ANTXR1: variants seen among roughly 807,000 people sequenced by gnomAD.
ANTXR1 encodes anthrax toxin receptor 1.
Under a neutral mutation model 78.1 loss-of-function variants are expected in ANTXR1, and 19 were observed. That is an observed-to-expected ratio of 0.24 (90% CI 0.17 to 0.36). The LOEUF is 0.36. ANTXR1 is among the 10% of genes least tolerant of loss of function. The pLI, the probability that ANTXR1 is intolerant of heterozygous loss-of-function variation, is 1.00. For synonymous variants in ANTXR1, 273 were observed against 260.5 expected (o/e 1.05, Z -0.46); for missense variants, 518 against 718.6 (o/e 0.72, Z 3.19).
intron 12 of ANTXR1, chr2:69,145,236 A>G (rs1673189544): frequency 7.5e-7 from 1 of 1,326,150 alleles, no homozygotes. Flanking sequence ...AGGGACCCTC[A>G]CTTGCATGGG....
intron 17 of ANTXR1, among the ~76,000 whole-genome samples, chr2:69,202,733 A>T (rs1011878296): frequency 2.0e-5 from 3 of 152,168 alleles, no homozygotes; most frequent in African/African-American, 7.2e-5. Flanking sequence ...TCTCCCTGTG[A>T]TGTGGCTGGA....
At chr2:69,136,692 C>A (rs1672916692) in intron 12 of ANTXR1, among the ~76,000 whole-genome samples, 1 of 152,102 alleles carries the variant, frequency 6.6e-6, no homozygotes, top group Non-Finnish European at 1.5e-5. Context: ...AAGTTTAAGA[C>A]AATTAGCCAA....
chr2:69,154,358 T>C (rs745347157), intron 13 of ANTXR1, among the ~76,000 whole-genome samples: 6 of 152,226 alleles, frequency 3.9e-5, no homozygotes, highest in Non-Finnish European at 7.3e-5. Flanking sequence ...TTCTGAAAGC[T>C]GGCTTGGGCT....
chr2:69,147,214 C>T (rs533423620), intron 12 of ANTXR1, among the ~76,000 whole-genome samples: 5 of 152,376 alleles, frequency 3.3e-5, no homozygotes, highest in African/African-American at 9.6e-5. Context: ...TGAGTGTCTT[C>T]ATCTTGGAAC....
At chr2:69,137,249 T>C (rs1055312759) in intron 12 of ANTXR1, among the ~76,000 whole-genome samples, 1 of 152,174 alleles carries the variant, frequency 6.6e-6, no homozygotes, top group African/African-American at 2.4e-5. Flanking sequence ...CATACCTGTG[T>C]TTTCTAATCT....
At chr2:69,061,017 T>C (rs552956946) in intron 3 of ANTXR1, among the ~76,000 whole-genome samples, 2 of 152,252 alleles carry the variant, frequency 1.3e-5, no homozygotes, top group South Asian at 4.2e-4. Context: ...GCAAATGATA[T>C]GGCACTGTGG....
rs1278036483 is a variant in ANTXR1 at position 69,075,617 on chromosome 2, A to G, written c.520A>G (p.Ile174Val). Residue 174 changes from isoleucine (I) to valine (V), a missense_variant, in exon 7 of 18, where the codon ATT becomes GTT. Physicochemically the swap from Ile to Val is conservative, Grantham distance 29. This residue lies in a region of ANTXR1 where 264 missense variants were observed against 391.8 expected (regional missense o/e 0.67). Coordinates refer to ENST00000303714, the MANE Select transcript of ANTXR1 (RefSeq NM_032208.3). ...EANRSRDLGA[I>V]VYCVGVKDFN... ...TAATAGGTCTCGAGATCTTGGTGCA[A>G]TTGTTTACTGTGTTGGTGTGAAAGA... The G allele has an allele frequency of 9.9e-6, 16 of 1,613,928 alleles. No individual in the cohort carries two copies. The highest frequency in any genetic ancestry group is 2.2e-5 in the East Asian group (1 of 44,868).
At chr2:69,160,637 G>A (rs911772096) in intron 13 of ANTXR1, among the ~76,000 whole-genome samples, 3 of 152,184 alleles carry the variant, frequency 2.0e-5, no homozygotes, top group Admixed American at 6.5e-5. Flanking sequence ...TACCCTGCAA[G>A]TATGAATAGG....
intron 9 of ANTXR1, among the ~76,000 whole-genome samples, chr2:69,101,111 C>A (rs1404473143): frequency 2.0e-5 from 3 of 152,188 alleles, no homozygotes; most frequent in Admixed American, 6.5e-5. Flanking sequence ...AAAAAGCATT[C>A]TTTTCTAACT....
At chr2:69,025,193 C>T (rs1265883347) in intron 1 of ANTXR1, among the ~76,000 whole-genome samples, 4 of 152,134 alleles carry the variant, frequency 2.6e-5, no homozygotes, top group Non-Finnish European at 5.9e-5. Flanking sequence ...ATTACTAGTG[C>T]ATGGTCCCCT....
Position 69,125,744 on chromosome 2 carries a change from G to C in ANTXR1, c.951+1101G>C, listed in dbSNP as rs373281789. On this transcript the variant is annotated intron_variant, in intron 12 of 17. Transcript: ENST00000303714. ...TAGTCCTAGCTACTCAGGAGGCTGAGATGGGAGGATGGCTTGAGCCCGAGA... is the reference window on the plus strand; with the variant it reads ...TAGTCCTAGCTACTCAGGAGGCTGACATGGGAGGATGGCTTGAGCCCGAGA... 9.2e-5 allele frequency among the ~76,000 whole-genome samples: 14 copies of C among 152,264 alleles called. No homozygotes were observed. In the East Asian group the frequency reaches 9.6e-4, roughly 10 times the overall value.
At chr2:69,154,168 C>T (rs1186044577) in intron 13 of ANTXR1, among the ~76,000 whole-genome samples, 2 of 152,154 alleles carry the variant, frequency 1.3e-5, no homozygotes, top group African/African-American at 4.8e-5. Flanking sequence ...TTGAGTTTTG[C>T]AATATTCAAA....
In ANTXR1 at chr2:69,096,268, G is replaced by A. The variant is rs539712590; in HGVS notation, c.703+5349G>A. Among the ~76,000 whole-genome samples the A allele has an allele frequency of 0.011, 93 of 8,238 alleles. 7 individuals carry two copies. In the African/African-American group the frequency reaches 0.13, roughly 11 times the overall value. The allele number at this position is 8,238 out of a possible 152,430, so 5.4% of individuals were successfully genotyped here. ...GCGAGACTCCGTCAAAAGGAAGGAA[G>A]GAAGGAAGGAAGGAAGGAAGGGAGG... On this transcript the variant is annotated intron_variant, in intron 9 of 17. Transcript: ENST00000303714.
At chr2:69,085,019 A>G (rs1248186764) in intron 8 of ANTXR1, among the ~76,000 whole-genome samples, 2 of 151,778 alleles carry the variant, frequency 1.3e-5, no homozygotes, top group South Asian at 2.1e-4. Flanking sequence ...CACCTGGCTA[A>G]TTTTTTGTAT....
chr2:69,179,065 C>G (rs555251914), intron 14 of ANTXR1, among the ~76,000 whole-genome samples: 2 of 152,258 alleles, frequency 1.3e-5, no homozygotes, highest in Non-Finnish European at 1.5e-5. Context: ...TATCTGTGTT[C>G]ACAGCCACTT....
Position 69,246,054 on chromosome 2 carries a change from T to G in ANTXR1, c.*569T>G, listed in dbSNP as rs1676014450. ...ATGCAGAAGGATGTTCTTCTGGGATTTGCAGGTACATAAAAAATGTATGGC... is the reference window on the plus strand; with the variant it reads ...ATGCAGAAGGATGTTCTTCTGGGATGTGCAGGTACATAAAAAATGTATGGC... On this transcript the variant is annotated 3_prime_UTR_variant, in exon 18 of 18. Transcript: ENST00000303714. 1 of 152,672 alleles carries G rather than the reference T, an allele frequency of 6.5e-6. No homozygotes were observed. Among genetic ancestry groups the G allele is most frequent in the African/African-American group, 2.4e-5 (1 of 41,466 alleles). The allele number at this position is 152,672 out of a possible 1,614,324, so 9.5% of individuals were successfully genotyped here.
chr2:69,114,642 A>AC (rs1260310146), intron 10 of ANTXR1, among the ~76,000 whole-genome samples: 3 of 151,760 alleles, frequency 2.0e-5, no homozygotes, highest in Non-Finnish European at 4.4e-5. Flanking sequence ...ACTCTACAGC[A>AC]CCCCCATCCA....
chr2:69,089,339 G>C (rs1671154209), intron 8 of ANTXR1, among the ~76,000 whole-genome samples: 1 of 152,156 alleles, frequency 6.6e-6, no homozygotes, highest in Non-Finnish European at 1.5e-5. Flanking sequence ...CTTTCGCAAT[G>C]CTTCTCTATA....
chr2:69,093,295 A>T (rs1388387743), intron 9 of ANTXR1, among the ~76,000 whole-genome samples: 1 of 152,252 alleles, frequency 6.6e-6, no homozygotes, highest in East Asian at 1.9e-4. Flanking sequence ...AAGTTAATAT[A>T]CCTTTGAACT....
Sources: allele counts gnomAD v4.1 joint callset (sites outside exome capture counted in the v4.1 genomes callset), GRCh38; gene constraint gnomAD v4.1.1; regional missense constraint gnomAD v4.1.1; transcripts MANE v1.5; gene names NCBI Gene and HGNC (gene_info 2026-07-23, HGNC 2026-07-21).